The following DNAI1 variants were observed in gnomAD, a reference collection of about 807,000 sequenced individuals.
DNAI1 encodes the protein dynein axonemal intermediate chain 1.
Under a neutral mutation model 92.0 loss-of-function variants are expected in DNAI1, and 67 were observed. That is an observed-to-expected ratio of 0.73 (90% CI 0.60 to 0.89). The LOEUF is 0.89. DNAI1 is among the 40% of genes least tolerant of loss of function. DNAI1 has a pLI of 0.00. For missense variants in DNAI1, 839 were observed against 866.6 expected (o/e 0.97, Z 0.40); for synonymous variants, 323 against 319.6 (o/e 1.01, Z -0.11).
intron 15 of DNAI1, 65 bp from the exon 16 acceptor site, chr9:34,513,047 A>T (rs1825099835): frequency 8.7e-6 from 11 of 1,265,804 alleles, no homozygotes; most frequent in Middle Eastern, 2.2e-4. Context: ...TCTGCTGAGT[A>T]GGGGAGGCAC....
At chr9:34,498,754 C>T (rs1019777848) in intron 10 of DNAI1, among the ~76,000 whole-genome samples, 1 of 152,202 alleles carries the variant, frequency 6.6e-6, no homozygotes, top group Admixed American at 6.5e-5. Flanking sequence ...GCCTAGGGCT[C>T]TTCTTGGTGA....
At chr9:34,475,377 C>T (rs904650498) in intron 1 of DNAI1, among the ~76,000 whole-genome samples, 1 of 152,168 alleles carries the variant, frequency 6.6e-6, no homozygotes, top group African/African-American at 2.4e-5. Flanking sequence ...CCCCTCTTTC[C>T]AGGAACAATC....
At chr9:34,465,104 G>A (rs189318169) in intron 1 of DNAI1, among the ~76,000 whole-genome samples, 101 of 152,278 alleles carry the variant, frequency 6.6e-4, no homozygotes, top group African/African-American at 2.4e-3. Context: ...TTAATAACTT[G>A]GAAGTTATTG....
intron 1 of DNAI1, chr9:34,478,937 G>A (rs1004832214): frequency 2.6e-5 from 4 of 152,296 alleles, no homozygotes; most frequent in African/African-American, 4.8e-5. Flanking sequence ...GATGGAAGGT[G>A]GAGGGTAGCC....
At position 34,509,351 on chromosome 9, in the gene DNAI1, ACTTATCT is replaced by A. The variant is rs566305176; in HGVS notation, c.1311+2478_1311+2484del. ...TGACACGTCATTTGAAGCACCCTGC[ACTTATCT>A]ATTAAGTTAAGATGCTTGGACATTG... On this transcript the variant is annotated intron_variant, in intron 13 of 19. Coordinates refer to ENST00000242317, the MANE Select transcript of DNAI1 (RefSeq NM_012144.4). Among the ~76,000 whole-genome samples the A allele has an allele frequency of 1.0e-3, 158 of 152,338 alleles. 1 individual carries two copies. The highest frequency in any genetic ancestry group is 7.4e-3 in the Admixed American group (114 of 15,308).
intron 13 of DNAI1, among the ~76,000 whole-genome samples, chr9:34,508,274 G>C (rs1564040094): frequency 6.6e-6 from 1 of 152,210 alleles, no homozygotes; most frequent in African/African-American, 2.4e-5. Flanking sequence ...GGCCTGAGCA[G>C]AGGGAGGACT....
intron 7 of DNAI1, 177 bp from the exon 8 acceptor site, chr9:34,491,318 A>G (rs1824585655): frequency 1.4e-6 from 1 of 699,184 alleles, no homozygotes; most frequent in Non-Finnish European, 2.6e-6. Context: ...AATGGACACA[A>G]TATGGGCTTT....
At chr9:34,520,491 G>C (rs1020607021) in intron 19 of DNAI1, among the ~76,000 whole-genome samples, 167 bp from the exon 20 acceptor site, 1 of 152,152 alleles carries the variant, frequency 6.6e-6, no homozygotes, top group African/African-American at 2.4e-5. Context: ...CACCTAACCC[G>C]AGTTGGGGAA....
intron 1 of DNAI1, among the ~76,000 whole-genome samples, chr9:34,481,030 C>CA (rs1326739386): frequency 6.6e-6 from 1 of 152,024 alleles, no homozygotes; most frequent in Admixed American, 6.6e-5. Context: ...CAACTGAGGT[C>CA]AGGAGTTCAA....
chr9:34,519,109 G>A (rs901091638), intron 19 of DNAI1, among the ~76,000 whole-genome samples: 3 of 152,186 alleles, frequency 2.0e-5, no homozygotes, highest in African/African-American at 7.2e-5. Flanking sequence ...GTACTTGAGT[G>A]GATTAGAGGT....
chr9:34,510,339 ACT>A, intron 13 of DNAI1, among the ~76,000 whole-genome samples: 1 of 152,078 alleles, frequency 6.6e-6, no homozygotes, highest in East Asian at 1.9e-4. Context: ...AACCAGCAAC[ACT>A]CTGTGGGGTG....
rs1226369965 is a variant in DNAI1 at position 34,514,249 on chromosome 9, G to A, written c.1570-145G>A. The A allele has an allele frequency of 2.8e-6, 3 of 1,079,092 alleles. No individual in the cohort carries two copies. The Admixed American group carries it at 5.2e-5, about 19-fold the overall frequency. 66.8% of individuals were successfully genotyped at this position (1,079,092 alleles called of 1,614,324 possible). On this transcript the variant is annotated intron_variant, in intron 16 of 19. Coordinates refer to ENST00000242317, the MANE Select transcript of DNAI1 (RefSeq NM_012144.4). ...CCCAGGGTGTGCTGAGGGTGGGAAG[G>A]GCAGCCAGGAGCTTGGCCCCAGTTC...
rs1453015584 is a variant in DNAI1, at chr9:34,520,807, C to G, written c.*51C>G. On this transcript the variant is annotated 3_prime_UTR_variant, in exon 20 of 20. Transcript: ENST00000242317. Reference sequence around the variant, plus strand: ...TCGCTTGAATACAGTACTCCTAGGGCTTGACCCTGGTACCCAGCCCAGCCT... The same window carrying G: ...TCGCTTGAATACAGTACTCCTAGGGGTTGACCCTGGTACCCAGCCCAGCCT... The G allele has an allele frequency of 6.5e-7, 1 of 1,531,004 alleles. No individual in the cohort carries two copies. Among genetic ancestry groups the G allele is most frequent in the South Asian group, 1.2e-5 (1 of 83,566 alleles). 94.8% of individuals were successfully genotyped at this position (1,531,004 alleles called of 1,614,324 possible).
At chr9:34,508,695 C>T (rs1824991268) in intron 13 of DNAI1, among the ~76,000 whole-genome samples, 1 of 152,118 alleles carries the variant, frequency 6.6e-6, no homozygotes, top group African/African-American at 2.4e-5. Flanking sequence ...GCCAACCACC[C>T]TACTCCTACT....
chr9:34,508,554 T>C (rs1234796621), intron 13 of DNAI1, among the ~76,000 whole-genome samples: 1 of 152,180 alleles, frequency 6.6e-6, no homozygotes, highest in African/African-American at 2.4e-5. Context: ...AGAAAAGGCC[T>C]GTCTTGATCA....
At chr9:34,490,548 G>C (rs1824568628) in intron 7 of DNAI1, 60 bp downstream of exon 7, 1 of 1,611,532 alleles carries the variant, frequency 6.2e-7, no homozygotes, top group African/African-American at 1.3e-5. Context: ...CAGGGAAGAA[G>C]CAGGCCTGAC....
intron 1 of DNAI1, among the ~76,000 whole-genome samples, chr9:34,478,247 G>A (rs1000210979): frequency 6.6e-6 from 1 of 152,110 alleles, no homozygotes; most frequent in Non-Finnish European, 1.5e-5. Context: ...ATCATAAGGT[G>A]GAAGATGAAA....
chr9:34,519,935 G>A (rs1429245274), intron 19 of DNAI1, among the ~76,000 whole-genome samples: 1 of 152,184 alleles, frequency 6.6e-6, no homozygotes, highest in African/African-American at 2.4e-5. Context: ...ACCTGTGGGT[G>A]ACACACACTC....
At chr9:34,506,984 A>C in intron 13 of DNAI1, 110 bp downstream of exon 13, 1 of 1,484,778 alleles carries the variant, frequency 6.7e-7, no homozygotes, top group Non-Finnish European at 9.1e-7. Flanking sequence ...GGAGATGAGG[A>C]TGGCAGGTAC....
Sources: allele counts gnomAD v4.1 joint callset (sites outside exome capture counted in the v4.1 genomes callset), GRCh38; gene constraint gnomAD v4.1.1; transcripts MANE v1.5; gene names NCBI Gene and HGNC (gene_info 2026-07-23, HGNC 2026-07-21).